The following GABRA5 variants were observed in gnomAD, a reference collection of about 807,000 sequenced individuals.
The protein encoded by GABRA5 is gamma-aminobutyric acid type A receptor subunit alpha5.
Under a neutral mutation model 47.3 loss-of-function variants are expected in GABRA5, and 18 were observed. The ratio of observed to expected loss-of-function variants is 0.38; its 90% CI spans 0.26 to 0.56. GABRA5 has a LOEUF of 0.56. Among genes scored for constraint, GABRA5 ranks in the 20% least tolerant of loss-of-function variants. GABRA5 has a pLI of 0.71. For missense variants in GABRA5, 365 were observed against 599.3 expected, an observed-to-expected ratio of 0.61 and a Z score of 4.08; for synonymous variants, 237 against 229.3, an observed-to-expected ratio of 1.03 and a Z score of -0.30.
intron 7 of GABRA5, among the ~76,000 whole-genome samples, chr15:26,921,616 TTTTC>T (rs1283386542): frequency 5.3e-5 from 8 of 152,276 alleles, no homozygotes; most frequent in African/African-American, 1.9e-4. Flanking sequence ...CATCTTTTTA[TTTTC>T]TTTCTTTTGC....
chr15:26,874,326 T>TA (rs113874278), intron 3 of GABRA5, among the ~76,000 whole-genome samples: 57,566 of 151,530 alleles, frequency 0.38, 11,106 homozygotes, highest in East Asian at 0.46. Flanking sequence ...CATTTTTTTT[T>TA]TAAATGCACT....
In GABRA5 at chr15:26,897,554, T is replaced by C. The variant is rs1893228640; in HGVS notation, c.497+13997T>C. Among the ~76,000 whole-genome samples the C allele has an allele frequency of 1.3e-5, 2 of 152,198 alleles. 1 individual carries two copies. The highest frequency in any genetic ancestry group is 4.8e-5 in the African/African-American group (2 of 41,436). On this transcript the variant is annotated intron_variant, in intron 6 of 10. Coordinates refer to ENST00000335625, the MANE Select transcript of GABRA5 (RefSeq NM_000810.4). ...GACTACTACAGAAGCTCCAGTGCTG[T>C]GCAAATGAAGAGCCCTGACTCGGCA...
chr15:26,880,537 G>A (rs893117557), intron 3 of GABRA5: 5 of 211,978 alleles, frequency 2.4e-5, no homozygotes, highest in East Asian at 1.3e-4. Context: ...CAGTCCATGC[G>A]CAATGGCTAA....
At chr15:26,943,498 T>A in intron 10 of GABRA5, 72 bp downstream of exon 10, 1 of 1,335,028 alleles carries the variant, frequency 7.5e-7, no homozygotes. Context: ...TATCCAAACA[T>A]GAGACAAGGT....
At chr15:26,941,076 G>A (rs1894373169) in intron 9 of GABRA5, among the ~76,000 whole-genome samples, 1 of 152,176 alleles carries the variant, frequency 6.6e-6, no homozygotes, top group South Asian at 2.1e-4. Flanking sequence ...GGGAGTTCAG[G>A]AGTGAGTGGC....
intron 10 of GABRA5, among the ~76,000 whole-genome samples, chr15:26,947,034 A>G (rs1439107014): frequency 6.6e-6 from 1 of 152,096 alleles, no homozygotes; most frequent in Non-Finnish European, 1.5e-5. Context: ...ATTCTGTACC[A>G]TGATGTTTAA....
chr15:26,883,078 G>T lies in GABRA5; in HGVS notation c.209-88G>T. 9.5e-7 allele frequency: 1 copy of T among 1,056,250 alleles called. No individual in the cohort carries two copies. Among genetic ancestry groups the T allele is most frequent in the South Asian group, 1.3e-5 (1 of 79,504 alleles). 65.4% of individuals were successfully genotyped at this position (1,056,250 alleles called of 1,614,324 possible). A position where few individuals can be genotyped will look rare whatever the true frequency, so the allele number is the denominator to read the frequency against. Reference sequence around the variant, plus strand: ...GCAAAAGCCCCCGGTTGCAGAGGGTGACCCTGGTTACTGGACTGAGAGCAC... The same window carrying T: ...GCAAAAGCCCCCGGTTGCAGAGGGTTACCCTGGTTACTGGACTGAGAGCAC... On this transcript the variant is annotated intron_variant, in intron 4 of 10. Coordinates refer to ENST00000335625, the MANE Select transcript of GABRA5 (RefSeq NM_000810.4). The surrounding 1 kb of genome is among the most constrained non-coding windows in gnomAD (Gnocchi z 4.8).
In GABRA5 at chr15:26,943,240, G is replaced by A. The variant is rs866302895; in HGVS notation, c.903G>A (p.Thr301=). 12 of 1,557,870 alleles carry A rather than the reference G, an allele frequency of 7.7e-6. No homozygotes were observed. Among genetic ancestry groups the A allele is most frequent in the Middle Eastern group, 3.3e-4 (2 of 6,002 alleles). The change falls in exon 10 of 11, where the codon ACG becomes ACA. Residue 301 remains threonine, a synonymous_variant. Coordinates refer to ENST00000335625, the MANE Select transcript of GABRA5 (RefSeq NM_000810.4). ...VFGVTTVLTM[T]TLSISARNSL... is the part of the protein sequence containing the mutation. ...GGGTCACCACGGTGCTGACCATGAC[G>A]ACCCTCAGCATCAGCGCCAGGAACT... is the stretch of plus-strand genomic sequence containing the variant.
At chr15:26,880,677 A>G in intron 3 of GABRA5, 169 bp from the exon 4 acceptor site, 1 of 561,880 alleles carries the variant, frequency 1.8e-6, no homozygotes, top group Admixed American at 3.3e-5. Flanking sequence ...ATGTTGGAGA[A>G]CTGAGGTGTA....
intron 6 of GABRA5, among the ~76,000 whole-genome samples, chr15:26,896,747 G>A (rs1490775091): frequency 1.3e-5 from 2 of 152,120 alleles, no homozygotes; most frequent in African/African-American, 2.4e-5. Flanking sequence ...GCGTAGTGAT[G>A]AGTGTGAATT....
chr15:26,875,835 T>A (rs1027347615), intron 3 of GABRA5, among the ~76,000 whole-genome samples: 17 of 151,686 alleles, frequency 1.1e-4, no homozygotes, highest in African/African-American at 4.1e-4. Context: ...TGGTTTTGAG[T>A]AGGTTTGAAA....
chr15:26,886,008 C>T (rs1892869230), intron 6 of GABRA5, among the ~76,000 whole-genome samples: 1 of 139,874 alleles, frequency 7.1e-6, no homozygotes, highest in Non-Finnish European at 1.6e-5. Context: ...CATATATATG[C>T]AGTTTGCTGT....
At chr15:26,899,135 T>C (rs373450340) in intron 6 of GABRA5, among the ~76,000 whole-genome samples, 4 of 152,326 alleles carry the variant, frequency 2.6e-5, no homozygotes, top group African/African-American at 9.6e-5. Context: ...AGTGCTGGGA[T>C]TACAGGTGTG....
At chr15:26,881,931 C>T (rs149142375) in intron 4 of GABRA5, among the ~76,000 whole-genome samples, 2 of 152,236 alleles carry the variant, frequency 1.3e-5, no homozygotes, top group Non-Finnish European at 2.9e-5. Context: ...AACTCCAGAC[C>T]GCAGGCGATC....
rs781144643 is a variant in GABRA5 at position 26,883,293 on chromosome 15, A to G, written c.277-44A>G. 1 of 1,611,584 alleles carries G rather than the reference A, an allele frequency of 6.2e-7. No individual in the cohort carries two copies. The highest frequency in any genetic ancestry group is 1.1e-5 in the South Asian group (1 of 91,044). On this transcript the variant is annotated intron_variant, in intron 5 of 10. Coordinates refer to ENST00000335625, the MANE Select transcript of GABRA5 (RefSeq NM_000810.4). This position sits in a 1 kb window ranked among gnomAD's most constrained non-coding sequence, Gnocchi z 4.8. ...TACTCCGCGCCGCAGGCCCCCGCCCAGGCCCCGTGCCCTCTGACTGCCTCG... is the reference window on the plus strand; with the variant it reads ...TACTCCGCGCCGCAGGCCCCCGCCCGGGCCCCGTGCCCTCTGACTGCCTCG...
chr15:26,930,718 A>G (rs1250289118), intron 7 of GABRA5, among the ~76,000 whole-genome samples: 1 of 152,028 alleles, frequency 6.6e-6, no homozygotes, highest in South Asian at 2.1e-4. Context: ...TAAACAGTCC[A>G]TTCATGAAAA....
intron 7 of GABRA5, among the ~76,000 whole-genome samples, chr15:26,930,688 G>T (rs1894079953): frequency 6.6e-6 from 1 of 151,730 alleles, no homozygotes; most frequent in South Asian, 2.1e-4. Context: ...TTTCTTTCTG[G>T]GCCCTCACCA....
At chr15:26,911,892 C>A (rs1429158843) in intron 6 of GABRA5, among the ~76,000 whole-genome samples, 1 of 152,150 alleles carries the variant, frequency 6.6e-6, no homozygotes, top group Non-Finnish European at 1.5e-5. Flanking sequence ...GGAGAGAAGA[C>A]AACCATCTCC....
chr15:26,891,171 C>G (rs1406847227), intron 6 of GABRA5, among the ~76,000 whole-genome samples: 1 of 152,210 alleles, frequency 6.6e-6, no homozygotes, highest in African/African-American at 2.4e-5. Context: ...GGGCACACAT[C>G]TCACACAGGA....
Sources: allele counts gnomAD v4.1 joint callset (sites outside exome capture counted in the v4.1 genomes callset), GRCh38; gene constraint gnomAD v4.1.1; non-coding constraint Gnocchi (gnomAD v3.1); transcripts MANE v1.5; gene names NCBI Gene and HGNC (gene_info 2026-07-23, HGNC 2026-07-21).